EPHA10: variants seen among roughly 807,000 people sequenced by gnomAD.
The protein encoded by EPHA10 is ephrin type-A receptor 10.
EPHA10 carries 120 observed loss-of-function variants against 109.7 expected under a neutral mutation model. The ratio of observed to expected loss-of-function variants is 1.09; its 90% CI spans 0.94 to 1.27. The LOEUF is 1.27. EPHA10 is among the 50% of genes most tolerant of loss of function. The pLI, the probability that EPHA10 is intolerant of heterozygous loss-of-function variation, is 0.00. For synonymous variants in EPHA10, 640 were observed against 618.9 expected, an observed-to-expected ratio of 1.03 and a Z score of -0.51; for missense variants, 1,396 against 1,411.1, an observed-to-expected ratio of 0.99 and a Z score of 0.17.
intron 15 of EPHA10, 105 bp from the exon 16 acceptor site, chr1:37,718,921 G>T (rs1046714326): frequency 4.2e-6 from 6 of 1,425,548 alleles, no homozygotes; most frequent in South Asian, 2.9e-5. Context: ...GAAGGGGAGG[G>T]TAACCGGGCC....
In EPHA10 at chr1:37,718,446, C is replaced by T; in HGVS notation, c.2953G>A (p.Glu985Lys). 6.2e-7 allele frequency: 1 copy of T among 1,613,436 alleles called. No individual in the cohort carries two copies. Among genetic ancestry groups the T allele is most frequent in the East Asian group, 2.2e-5 (1 of 44,876 alleles). ...GCGCTGATCCCGCTGAGGAGGGCCT[C>T]TCGATGTTCAGCCAAAGAGATGCCT... is the stretch of plus-strand genomic sequence containing the variant. Reference protein sequence around the residue: ...SLGISLAEHREALLSGISALQ... With the variant: ...SLGISLAEHRKALLSGISALQ... Residue 985 changes from glutamate to lysine, a missense_variant, in exon 17 of 17, where the codon GAG (glutamate) becomes AAG (lysine). Transcript: ENST00000373048.
rs1376299779 is a variant in EPHA10, at chr1:37,731,521, T to C, written c.1553A>G (p.Asn518Ser). ...GACGTAGCGGGTAGCCGGCTTCAGG[T>C]TGGTGACGGTGACTGTGGGCGCCCC... ...KTGAPTVTVTNLKPATRYVFQ... is the reference protein window; with the variant it reads ...KTGAPTVTVTSLKPATRYVFQ... The change falls in exon 7 of 17, where the codon AAC becomes AGC. Residue 518 changes from asparagine (N) to serine (S), a missense_variant. Asn to Ser is a conservative substitution (Grantham distance 46). Coordinates refer to ENST00000373048, the MANE Select transcript of EPHA10 (RefSeq NM_001099439.2). 1 of 1,613,818 alleles carries C rather than the reference T, an allele frequency of 6.2e-7. No individual in the cohort carries two copies. The highest frequency in any genetic ancestry group is 8.5e-7 in the Non-Finnish European group (1 of 1,179,944).
At chr1:37,739,279 T>G (rs577798024) in intron 5 of EPHA10, among the ~76,000 whole-genome samples, 4 of 152,198 alleles carry the variant, frequency 2.6e-5, no homozygotes, top group Non-Finnish European at 2.9e-5. Flanking sequence ...GAAGACACTA[T>G]GCTAAGTGAA....
At position 37,764,837 on chromosome 1, in the gene EPHA10, T is replaced by G. The variant is rs138657004; in HGVS notation, c.106+124A>C. ...TCTGTCTCTCCAGTTCTTTGCTGCC[T>G]GCTTGCTTCAAGCCCCAATACAGAC... On this transcript the variant is annotated intron_variant, in intron 1 of 16. Coordinates refer to ENST00000373048, the MANE Select transcript of EPHA10 (RefSeq NM_001099439.2). This position sits in a 1 kb window ranked among gnomAD's most constrained non-coding sequence, Gnocchi z 5.8. 3.1e-3 allele frequency: 2,346 copies of G among 767,252 alleles called. 49 individuals carry two copies. In the African/African-American group the frequency reaches 0.037, roughly 12 times the overall value. 47.5% of individuals were successfully genotyped at this position (767,252 alleles called of 1,614,324 possible). A position where few individuals can be genotyped will look rare whatever the true frequency, so the allele number is the denominator to read the frequency against.
chr1:37,722,195 G>A, intron 10 of EPHA10: 1 of 239,212 alleles, frequency 4.2e-6, no homozygotes, highest in South Asian at 5.5e-5. Flanking sequence ...CTGAGTACCA[G>A]CAGTGTGACC....
intron 5 of EPHA10, among the ~76,000 whole-genome samples, chr1:37,743,522 C>T (rs1027733534): frequency 1.3e-5 from 2 of 152,212 alleles, no homozygotes; most frequent in Non-Finnish European, 2.9e-5. Flanking sequence ...ATGAACCCCT[C>T]TCAGTCTTTG....
intron 8 of EPHA10, among the ~76,000 whole-genome samples, chr1:37,724,615 G>C (rs942822540): frequency 1.3e-5 from 2 of 152,148 alleles, no homozygotes; most frequent in African/African-American, 4.8e-5. Flanking sequence ...AAGTAGAGGG[G>C]ATGGTAGAGA....
Position 37,760,533 on chromosome 1 carries a change from C to A in EPHA10, c.850+872G>T, listed in dbSNP as rs111671228. The A allele has an allele frequency of 2.6e-3, 2,290 of 866,224 alleles. 24 individuals carry two copies. In the African/African-American group the frequency reaches 0.033, roughly 13 times the overall value. 53.7% of individuals were successfully genotyped at this position (866,224 alleles called of 1,614,324 possible). ...AATCCCTCTCTCCAGCATAAAAATC[C>A]CCCCTGCCAGCCTCTAACTTGCAAG... On this transcript the variant is annotated intron_variant, in intron 3 of 16. Transcript: ENST00000373048.
chr1:37,719,981 C>G lies in EPHA10; in HGVS notation c.2490G>C (p.Trp830Cys). The change falls in exon 14 of 17, where the codon TGG becomes TGC. Residue 830 changes from tryptophan to cysteine, a missense_variant. By Grantham distance (215) the Trp-to-Cys change is radical (BLOSUM62 -2). Transcript: ENST00000373048. ...CCTCCCACATGATGATGCCGAAGCTCCACACGTCACTGGCAGAGCTGAAGT... is the reference window on the plus strand; with the variant it reads ...CCTCCCACATGATGATGCCGAAGCTGCACACGTCACTGGCAGAGCTGAAGT... ...FGHFSSASDVWSFGIIMWEVM... is the reference protein window; with the variant it reads ...FGHFSSASDVCSFGIIMWEVM... The G allele has an allele frequency of 6.2e-7, 1 of 1,614,104 alleles. No homozygotes were observed. Among genetic ancestry groups the G allele is most frequent in the Non-Finnish European group, 8.5e-7 (1 of 1,180,038 alleles).
In EPHA10 at chr1:37,718,651, T is replaced by C. The variant is rs1645732486; in HGVS notation, c.2912+10A>G. On this transcript the variant is annotated intron_variant, in intron 16 of 16. Transcript: ENST00000373048. ...CAGCCCCGGCCTTGACCTTGGTGCCTTGGACTCACTGGGCAGTCATCTCGG... is the reference window on the plus strand; with the variant it reads ...CAGCCCCGGCCTTGACCTTGGTGCCCTGGACTCACTGGGCAGTCATCTCGG... 3.7e-6 allele frequency: 6 copies of C among 1,613,172 alleles called. No homozygotes were observed. The African/African-American group carries it at 4.0e-5, about 11-fold the overall frequency.
chr1:37,735,700 G>C (rs182894449), intron 5 of EPHA10, among the ~76,000 whole-genome samples: 1 of 152,038 alleles, frequency 6.6e-6, no homozygotes, highest in Non-Finnish European at 1.5e-5. Flanking sequence ...CATGGTGGTC[G>C]GCTCTAATCC....
chr1:37,718,340 C>T lies in EPHA10; in HGVS notation c.*32G>A. The T allele has an allele frequency of 6.5e-7, 1 of 1,540,814 alleles. No individual in the cohort carries two copies. Among genetic ancestry groups the T allele is most frequent in the Non-Finnish European group, 8.8e-7 (1 of 1,130,676 alleles). ...GCAGGGCTGGGGGACTGGACCCCCA[C>T]CGGAGTCCTGCCTTGGAAGAATGGG... On this transcript the variant is annotated 3_prime_UTR_variant, in exon 17 of 17. Coordinates refer to ENST00000373048, the MANE Select transcript of EPHA10 (RefSeq NM_001099439.2).
In EPHA10 at chr1:37,761,596, G is replaced by T. The variant is rs56276182; in HGVS notation, c.659C>A (p.Thr220Lys). ...QCRATVRGLA[T>K]FPATAAESAF... ...GCTCTCGGCTGCGGTGGCTGGGAAC[G>T]TGGCCAGGCCCCGCACGGTGGCGCG... The change falls in exon 3 of 17, where the codon ACG (threonine) becomes AAG (lysine). Residue 220 changes from threonine (T) to lysine (K), a missense_variant. Physicochemically the swap from Thr to Lys is moderately conservative, Grantham distance 78 (BLOSUM62 -1). Coordinates refer to ENST00000373048, the MANE Select transcript of EPHA10 (RefSeq NM_001099439.2). The T allele has an allele frequency of 0.022, 34,839 of 1,600,242 alleles. 1,850 individuals are homozygous for T. The highest frequency in any genetic ancestry group is 0.2 in the East Asian group (9,059 of 44,760).
chr1:37,735,238 C>T lies in EPHA10; in HGVS notation c.1491+19G>A. On this transcript the variant is annotated intron_variant, in intron 6 of 16. Transcript: ENST00000373048. ...CAGGTGCGGGGCAGGCTCCAGGTCC[C>T]TCCCAGACACGCACTCACCTTCTCG... 6.4e-7 allele frequency: 1 copy of T among 1,563,114 alleles called. No individual in the cohort carries two copies. The highest frequency in any genetic ancestry group is 8.7e-7 in the Non-Finnish European group (1 of 1,153,646).
chr1:37,754,362 G>C lies in EPHA10; in HGVS notation c.859C>G (p.Pro287Ala). ...ERGDFCEACP[P>A]GFYKVSPRRP... ...CGCGGGGACACCTTGTAAAACCCTG[G>C]GGGACAGGCTGCAGGGCATGGCTGG... is the stretch of plus-strand genomic sequence containing the variant. The change falls in exon 4 of 17, where the codon CCA becomes GCA. Residue 287 changes from proline (P) to alanine (A), a missense_variant. Physicochemically the swap from Pro to Ala is conservative, Grantham distance 27. Coordinates refer to ENST00000373048, the MANE Select transcript of EPHA10 (RefSeq NM_001099439.2). This position sits in a 1 kb window ranked among gnomAD's most constrained non-coding sequence, Gnocchi z 4.5. 1 of 1,302,856 alleles carries C rather than the reference G, an allele frequency of 7.7e-7. No individual in the cohort carries two copies. The highest frequency in any genetic ancestry group is 2.7e-5 in the South Asian group (1 of 37,318). 80.7% of individuals were successfully genotyped at this position (1,302,856 alleles called of 1,614,324 possible). A position where few individuals can be genotyped will look rare whatever the true frequency, so the allele number is the denominator to read the frequency against.
At chr1:37,734,096 A>G (rs1646031340) in intron 6 of EPHA10, among the ~76,000 whole-genome samples, 1 of 152,194 alleles carries the variant, frequency 6.6e-6, no homozygotes, top group Non-Finnish European at 1.5e-5. Context: ...TTCAAAAACT[A>G]TTTTCAGCAA....
intron 7 of EPHA10, among the ~76,000 whole-genome samples, chr1:37,731,117 A>G (rs1430664323): frequency 6.6e-6 from 1 of 152,142 alleles, no homozygotes; most frequent in Non-Finnish European, 1.5e-5. Flanking sequence ...TTGGGTCTCT[A>G]TCCAAACTGA....
Position 37,720,588 on chromosome 1 carries a change from C to T in EPHA10, c.2209-34G>A, listed in dbSNP as rs78731933. ...GGAGAAGACTGAGGCCAGGGCTGTG[C>T]GCTTGGATCCCCTGGTGTTGTGTGA... On this transcript the variant is annotated intron_variant, in intron 12 of 16. Transcript: ENST00000373048. The T allele has an allele frequency of 6.1e-4, 968 of 1,584,612 alleles. 2 individuals carry two copies. In the African/African-American group the frequency reaches 0.012, roughly 20 times the overall value.
In EPHA10 at chr1:37,718,230, T is replaced by C; in HGVS notation, c.*142A>G. ...GGGCAGGCAGTGAAAGCGGGGAAGC[T>C]GTGGCCCCACCAGATCTGGGCCCAA... On this transcript the variant is annotated 3_prime_UTR_variant, in exon 17 of 17. Coordinates refer to ENST00000373048, the MANE Select transcript of EPHA10 (RefSeq NM_001099439.2). 1 of 714,266 alleles carries C rather than the reference T, an allele frequency of 1.4e-6. No homozygotes were observed. The highest frequency in any genetic ancestry group is 1.8e-5 in the South Asian group (1 of 55,020). The allele number at this position is 714,266 out of a possible 1,614,324, so 44.2% of individuals were successfully genotyped here. A position where few individuals can be genotyped will look rare whatever the true frequency, so the allele number is the denominator to read the frequency against.
Sources: gnomAD v4.1 joint callset for allele counts (sites outside exome capture counted in the v4.1 genomes callset) on GRCh38, gnomAD v4.1.1 for gene constraint, Gnocchi (gnomAD v3.1) non-coding constraint, MANE v1.5 for transcripts, NCBI Gene and HGNC (gene_info 2026-07-23, HGNC 2026-07-21) for gene names.